Variants in GRIK4 observed in about 807,000 individuals in gnomAD.
The protein encoded by GRIK4 is glutamate ionotropic receptor kainate type subunit 4.
GRIK4 carries 40 observed loss-of-function variants against 104.9 expected under a neutral mutation model. The ratio of observed to expected loss-of-function variants is 0.38; its 90% CI spans 0.30 to 0.50. The LOEUF is 0.50. Among genes scored for constraint, GRIK4 ranks in the 20% least tolerant of loss-of-function variants. The pLI is 0.93. For synonymous variants in GRIK4, 485 were observed against 524.9 expected (o/e 0.92, Z 1.04); for missense variants, 1,047 against 1,308.1 (o/e 0.80, Z 3.08).
At chr11:120,745,123 C>G (rs539578362) in intron 3 of GRIK4, among the ~76,000 whole-genome samples, 1 of 152,182 alleles carries the variant, frequency 6.6e-6, no homozygotes, top group Non-Finnish European at 1.5e-5. Flanking sequence ...AACATGACAG[C>G]TGGGGAGAGG....
intron 3 of GRIK4, among the ~76,000 whole-genome samples, chr11:120,718,429 T>C (rs530871584): frequency 6.6e-6 from 1 of 152,248 alleles, no homozygotes; most frequent in East Asian, 1.9e-4. Context: ...AGAGATAGGC[T>C]TAGGCAGCCG....
At chr11:120,565,156 C>G (rs1487390707) in intron 1 of GRIK4, among the ~76,000 whole-genome samples, 1 of 152,206 alleles carries the variant, frequency 6.6e-6, no homozygotes, top group Non-Finnish European at 1.5e-5. Context: ...GTGGGGAGCG[C>G]TGTGCCTGCT....
At chr11:120,593,303 G>A (rs1414154759) in intron 1 of GRIK4, among the ~76,000 whole-genome samples, 3 of 151,700 alleles carry the variant, frequency 2.0e-5, no homozygotes, top group African/African-American at 7.3e-5. Context: ...TTCACCTCCC[G>A]ATCACTCTCC....
rs182746189 is a variant in GRIK4, at chr11:120,921,093, G to A, written c.1476+15600G>A. Among the ~76,000 whole-genome samples, 6 of 152,290 alleles carry A rather than the reference G, an allele frequency of 3.9e-5. No homozygotes were observed. The East Asian group carries it at 1.2e-3, about 29-fold the overall frequency. On this transcript the variant is annotated intron_variant, in intron 13 of 20. Transcript: ENST00000527524. ...CCTGGCGTCCCCTTTTCTGAGACGT[G>A]TTCTTTCTCTGCCACCCTGAAGGAC... is the stretch of plus-strand genomic sequence containing the variant.
chr11:120,865,459 G>A (rs906511818), intron 9 of GRIK4, among the ~76,000 whole-genome samples: 9 of 152,264 alleles, frequency 5.9e-5, no homozygotes, highest in Non-Finnish European at 1.0e-4. Flanking sequence ...AGATCTCTCA[G>A]CATGCAAGGG....
At chr11:120,969,859 C>A (rs888924102) in intron 19 of GRIK4, among the ~76,000 whole-genome samples, 1 of 152,098 alleles carries the variant, frequency 6.6e-6, no homozygotes, top group Non-Finnish European at 1.5e-5. Flanking sequence ...GTCTAGGTAT[C>A]TTTCTTCCTA....
intron 3 of GRIK4, among the ~76,000 whole-genome samples, chr11:120,711,232 T>C (rs2135354408): frequency 6.6e-6 from 1 of 152,264 alleles, no homozygotes; most frequent in East Asian, 1.9e-4. Context: ...AAATGTTCCT[T>C]TTAAGGGCAA....
At chr11:120,563,894 C>G (rs1171780347) in intron 1 of GRIK4, among the ~76,000 whole-genome samples, 1 of 152,232 alleles carries the variant, frequency 6.6e-6, no homozygotes, top group East Asian at 1.9e-4. Context: ...GCTCTGAGCA[C>G]AGTCACCGTC....
At position 120,629,164 on chromosome 11, in the gene GRIK4, G is replaced by C. The variant is rs116426499; in HGVS notation, c.-158-24521G>C. Among the ~76,000 whole-genome samples the C allele has an allele frequency of 9.9e-3, 1,505 of 152,306 alleles. 30 individuals carry two copies. The highest frequency in any genetic ancestry group is 0.033 in the African/African-American group (1,384 of 41,564). The stretch of plus-strand genomic sequence containing the variant: ...TCAGAGGATGGGAAGAAGTTGGAGA[G>C]GTGGGGAAGGTGGAGGGAAGCATAA... On this transcript the variant is annotated intron_variant, in intron 1 of 20. Transcript: ENST00000527524.
intron 1 of GRIK4, among the ~76,000 whole-genome samples, chr11:120,592,061 A>G (rs770227897): frequency 2.7e-4 from 41 of 152,316 alleles, no homozygotes; most frequent in Non-Finnish European, 4.7e-4. Flanking sequence ...GGAAAATCCA[A>G]TAGGTGGAGG....
chr11:120,648,348 T>C (rs1366871765), intron 1 of GRIK4, among the ~76,000 whole-genome samples: 1 of 152,226 alleles, frequency 6.6e-6, no homozygotes, highest in African/African-American at 2.4e-5. Context: ...TGGGGTGCCC[T>C]CTGCATGCCT....
chr11:120,644,428 C>T (rs1172527374), intron 1 of GRIK4, among the ~76,000 whole-genome samples: 2 of 152,142 alleles, frequency 1.3e-5, no homozygotes, highest in African/African-American at 2.4e-5. Flanking sequence ...CAAATAGCCC[C>T]GTGAGGTAGG....
At chr11:120,804,729 G>A (rs1952681190) in intron 4 of GRIK4, among the ~76,000 whole-genome samples, 1 of 152,192 alleles carries the variant, frequency 6.6e-6, no homozygotes, top group Non-Finnish European at 1.5e-5. Flanking sequence ...CACATCAGGG[G>A]CAGCTTCCCC....
chr11:120,980,896 C>A (rs1944640580), intron 19 of GRIK4, among the ~76,000 whole-genome samples: 1 of 152,118 alleles, frequency 6.6e-6, no homozygotes, highest in African/African-American at 2.4e-5. Flanking sequence ...AAAAGGAAAC[C>A]CTGGGCATAC....
At chr11:120,882,529 C>G (rs77560615) in intron 11 of GRIK4, among the ~76,000 whole-genome samples, 1 of 152,120 alleles carries the variant, frequency 6.6e-6, no homozygotes, top group Non-Finnish European at 1.5e-5. Flanking sequence ...AACTTCGAGA[C>G]GGCAGATCCG....
intron 15 of GRIK4, among the ~76,000 whole-genome samples, chr11:120,954,674 C>T (rs1944092658): frequency 6.6e-6 from 1 of 151,936 alleles, no homozygotes; most frequent in South Asian, 2.1e-4. Context: ...TACGCTGCCC[C>T]TCCTCCCTCC....
At position 120,986,355 on chromosome 11, in the gene GRIK4, CG is replaced by C; in HGVS notation, c.*96del. ...CAGCCGCCAGCCGGAACTTGTACAG[CG>C]TCGACACCTCTCCAGATTTCGGATC... On this transcript the variant is annotated 3_prime_UTR_variant, in exon 21 of 21. Coordinates refer to ENST00000527524, the MANE Select transcript of GRIK4 (RefSeq NM_014619.5). 1 of 1,342,588 alleles carries C rather than the reference CG, an allele frequency of 7.4e-7. No individual in the cohort carries two copies. The highest frequency in any genetic ancestry group is 9.7e-7 in the Non-Finnish European group (1 of 1,035,330). The allele number at this position is 1,342,588 out of a possible 1,614,324, so 83.2% of individuals were successfully genotyped here.
In GRIK4 at chr11:120,702,557, G is replaced by A. The variant is rs1205161133; in HGVS notation, c.82+42157G>A. Among the ~76,000 whole-genome samples, 3 of 152,166 alleles carry A rather than the reference G, an allele frequency of 2.0e-5. No homozygotes were observed. In the East Asian group the frequency reaches 5.8e-4, roughly 29 times the overall value. ...GAGGACAAGGACAGAGCTCGGGGGT[G>A]CTTTGAACTGAAGAGGTCAGAGGGA... On this transcript the variant is annotated intron_variant, in intron 3 of 20. Coordinates refer to ENST00000527524, the MANE Select transcript of GRIK4 (RefSeq NM_014619.5).
At chr11:120,982,439 G>A (rs1348549012) in intron 20 of GRIK4, among the ~76,000 whole-genome samples, 3 of 152,188 alleles carry the variant, frequency 2.0e-5, no homozygotes, top group Non-Finnish European at 4.4e-5. Flanking sequence ...ATATAGTTGA[G>A]AAAAATAGGT....
Sources: gnomAD v4.1 joint callset for allele counts (sites outside exome capture counted in the v4.1 genomes callset) on GRCh38, gnomAD v4.1.1 for gene constraint, MANE v1.5 for transcripts, NCBI Gene and HGNC (gene_info 2026-07-23, HGNC 2026-07-21) for gene names.